The following MTCL1 variants were observed in gnomAD, a reference collection of about 807,000 sequenced individuals.
The protein encoded by MTCL1 is microtubule crosslinking factor 1, also known as microtubule cross-linking factor 1.
A neutral mutation model predicts 141.4 loss-of-function variants in MTCL1; 79 were observed. That is an observed-to-expected ratio of 0.56 (90% CI 0.47 to 0.67). The LOEUF (loss-of-function observed/expected upper bound fraction) is 0.67. MTCL1 is among the 30% of genes least tolerant of loss of function. The probability of loss-of-function intolerance (pLI) is 0.00; values close to 1 mark genes in which losing one functional copy is unlikely to be tolerated. For missense variants in MTCL1, 2,177 were observed against 2,113.9 expected (o/e 1.03, Z -0.59); for synonymous variants, 914 against 875.8 (o/e 1.04, Z -0.77).
At position 8,784,805 on chromosome 18, in the gene MTCL1, A is replaced by G. The variant is rs765984024; in HGVS notation, c.1693A>G (p.Ile565Val). 68 of 1,607,300 alleles carry G rather than the reference A, an allele frequency of 4.2e-5. No individual in the cohort carries two copies. Among genetic ancestry groups the G allele is most frequent in the Admixed American group, 2.8e-4 (17 of 59,684 alleles). Residue 565 changes from isoleucine (I) to valine (V), a missense_variant, in exon 6 of 17, where the codon ATC becomes GTC. Ile to Val is a conservative substitution (Grantham distance 29). Coordinates refer to ENST00000359865, the Ensembl canonical transcript of MTCL1. ...GACTTCCGTGTCCCGGGACTCCCCC[A>G]TCGGGAACCTGGGGAAGGAGCTGGG...
Position 8,783,363 on chromosome 18 carries a change from C to T in MTCL1, c.418-167C>T, listed in dbSNP as rs9958126. 4.9e-4 allele frequency among the ~76,000 whole-genome samples: 74 copies of T among 152,264 alleles called. No individual in the cohort carries two copies. The East Asian group carries it at 7.0e-3, about 14-fold the overall frequency. On this transcript the variant is annotated intron_variant, in intron 5 of 16. Coordinates refer to ENST00000359865, the Ensembl canonical transcript of MTCL1. ...CCCCTCCACAAAGCCCCTGGGCCCA[C>T]CTCTGCTTTGTCTTGGCTGTTTCTC...
Position 8,822,014 on chromosome 18 carries a change from A to AT in MTCL1, c.3188+518dup, listed in dbSNP as rs918968294. ...TTTCCTCCAGTTTTACTTTTTCATC[A>AT]TTCTCCAAATGAATACATACCGTTT... On this transcript the variant is annotated intron_variant, in intron 14 of 16. Coordinates refer to ENST00000359865, the Ensembl canonical transcript of MTCL1. The surrounding 1 kb of genome is among the most constrained non-coding windows in gnomAD (Gnocchi z 4.6). Among the ~76,000 whole-genome samples, 17 of 152,182 alleles carry AT rather than the reference A, an allele frequency of 1.1e-4. No individual in the cohort carries two copies. The highest frequency in any genetic ancestry group is 3.3e-4 in the Admixed American group (5 of 15,288).
In MTCL1 at chr18:8,809,328, G is replaced by T. The variant is rs965583508; in HGVS notation, c.2604+2268G>T. 7.2e-6 allele frequency: 9 copies of T among 1,251,828 alleles called. No individual in the cohort carries two copies. In the African/African-American group the frequency reaches 1.1e-4, roughly 15 times the overall value. 77.5% of individuals were successfully genotyped at this position (1,251,828 alleles called of 1,614,324 possible). Reference sequence around the variant, plus strand: ...GTCACTAACTTTCCACTAAAATTTAGCATGTCCTCCGGTTATAAACATAGG... The same window carrying T: ...GTCACTAACTTTCCACTAAAATTTATCATGTCCTCCGGTTATAAACATAGG... On this transcript the variant is annotated intron_variant, in intron 11 of 16. Transcript: ENST00000359865.
chr18:8,799,147 C>T (rs1022838950), intron 10 of MTCL1, among the ~76,000 whole-genome samples: 28 of 152,340 alleles, frequency 1.8e-4, no homozygotes, highest in African/African-American at 6.3e-4. Context: ...AGCCTCTCAG[C>T]CACAGACACT....
At chr18:8,798,328 A>G (rs1038203399) in intron 10 of MTCL1, 37 bp downstream of exon 9, 4 of 1,442,178 alleles carry the variant, frequency 2.8e-6, no homozygotes, top group African/African-American at 3.0e-5. Flanking sequence ...CCCTGCCCAC[A>G]CCAGGGAGAG....
At chr18:8,812,938 C>T (rs531901050) in intron 11 of MTCL1, 41 bp from the exon 11 acceptor site, 2 of 1,579,734 alleles carry the variant, frequency 1.3e-6, no homozygotes, top group African/African-American at 1.4e-5. Context: ...GAATGCAAGA[C>T]TTGTCAGAGA....
At chr18:8,712,183 A>C (rs1049471692) in intron 1 of MTCL1, among the ~76,000 whole-genome samples, 1 of 152,174 alleles carries the variant, frequency 6.6e-6, no homozygotes, top group Non-Finnish European at 1.5e-5. Flanking sequence ...TTGCTTTCTC[A>C]GTTATTTCAT....
chr18:8,796,578 T>A, intron 9 of MTCL1, 116 bp downstream of exon 8: 1 of 1,089,226 alleles, frequency 9.2e-7, no homozygotes, highest in Non-Finnish European at 1.3e-6. Flanking sequence ...TTTCTCAATA[T>A]TTGGTTAACA....
intron 5 of MTCL1, among the ~76,000 whole-genome samples, chr18:8,778,887 C>T (rs1041222272): frequency 9.9e-5 from 15 of 152,216 alleles, no homozygotes; most frequent in Non-Finnish European, 1.5e-5. Flanking sequence ...AAATGAACAG[C>T]ATGGAGTTGC....
At chr18:8,763,094 C>T (rs953782493) in intron 4 of MTCL1, among the ~76,000 whole-genome samples, 3 of 152,222 alleles carry the variant, frequency 2.0e-5, no homozygotes, top group Admixed American at 1.3e-4. Flanking sequence ...ACCAAGCCCG[C>T]TCAATACATC....
At chr18:8,819,990 A>G (rs1323601811) in intron 13 of MTCL1, among the ~76,000 whole-genome samples, 1 of 152,204 alleles carries the variant, frequency 6.6e-6, no homozygotes, top group Admixed American at 6.5e-5. Flanking sequence ...AAAGGGAAAA[A>G]AATCCAACAC....
chr18:8,831,479 A>G, intron 16 of MTCL1, 128 bp from the exon 15 acceptor site: 1 of 1,449,810 alleles, frequency 6.9e-7, no homozygotes, highest in Non-Finnish European at 9.1e-7. Flanking sequence ...AAAGTAGTTA[A>G]TATTCACGAG....
intron 8 of MTCL1, among the ~76,000 whole-genome samples, chr18:8,794,919 G>A (rs896407779): frequency 1.1e-4 from 16 of 152,268 alleles, no homozygotes; most frequent in African/African-American, 3.8e-4. Context: ...TACATCTTCA[G>A]TGTGAAATGT....
chr18:8,715,110 C>T (rs2096120774), upstream of MTCL1, among the ~76,000 whole-genome samples: 1 of 152,162 alleles, frequency 6.6e-6, no homozygotes, highest in African/African-American at 2.4e-5. Flanking sequence ...ATTTTATTTG[C>T]AGTACAACTA....
intron 7 of MTCL1, chr18:8,789,442 TTG>T: frequency 3.0e-6 from 3 of 985,452 alleles, no homozygotes; most frequent in Non-Finnish European, 3.6e-6. Context: ...CCTTTTCTGT[TTG>T]TGTTTGAGAT....
chr18:8,777,535 A>ATCC (rs1361846500), intron 4 of MTCL1, among the ~76,000 whole-genome samples: 2 of 152,210 alleles, frequency 1.3e-5, no homozygotes, highest in Non-Finnish European at 2.9e-5. Flanking sequence ...TGTTAAAGTT[A>ATCC]TCCCAGCCAC....
chr18:8,720,201 T>C, intron 3 of MTCL1, 137 bp from the exon 3 acceptor site: 1 of 760,054 alleles, frequency 1.3e-6, no homozygotes, highest in East Asian at 2.6e-5. Flanking sequence ...TAACAATAAG[T>C]CAGTTGTGTA....
Position 8,705,792 on chromosome 18 carries a change from C to G in MTCL1, c.132C>G (p.Pro44=). The change falls in exon 1 of 14, where the codon CCC becomes CCG. Residue 44 remains proline (P), a synonymous_variant. Coordinates refer to the MTCL1 transcript ENST00000306329. This position sits in a 1 kb window ranked among gnomAD's most constrained non-coding sequence, Gnocchi z 5.2. ...GGCGGCTGCACCGTGCGCCCTCGCC[C>G]GCCAGACCCTTCCTCAAGGACCTGC... 8 of 1,195,238 alleles carry G rather than the reference C, an allele frequency of 6.7e-6. No individual in the cohort carries two copies. The highest frequency in any genetic ancestry group is 8.3e-6 in the Non-Finnish European group (8 of 963,810). The allele number at this position is 1,195,238 out of a possible 1,614,324, so 74.0% of individuals were successfully genotyped here. A position where few individuals can be genotyped will look rare whatever the true frequency, so the allele number is the denominator to read the frequency against.
intron 6 of MTCL1, 148 bp downstream of exon 5, chr18:8,784,991 CCT>C: frequency 1.8e-6 from 1 of 548,566 alleles, no homozygotes; most frequent in Non-Finnish European, 2.9e-6. Context: ...GCAACCGGAT[CCT>C]CTCTCTTGGT....
Sources: gnomAD v4.1 joint callset for allele counts (sites outside exome capture counted in the v4.1 genomes callset) on GRCh38, gnomAD v4.1.1 for gene constraint, Gnocchi (gnomAD v3.1) non-coding constraint, MANE v1.5 for transcripts, NCBI Gene and HGNC (gene_info 2026-07-23, HGNC 2026-07-21) for gene names.